KAT6B: variants seen among roughly 807,000 people sequenced by gnomAD.
KAT6B encodes histone acetyltransferase KAT6B.
Under a neutral mutation model 187.5 loss-of-function variants are expected in KAT6B, and 10 were observed. The ratio of observed to expected loss-of-function variants is 0.05; its 90% CI spans 0.03 to 0.09. The LOEUF is 0.09. Among genes scored for constraint, KAT6B ranks in the 10% least tolerant of loss-of-function variants. KAT6B has a pLI of 1.00. For synonymous variants in KAT6B, 861 were observed against 926.8 expected (o/e 0.93, Z 1.29); for missense variants, 1,952 against 2,558.9 (o/e 0.76, Z 5.12).
intron 4 of KAT6B, among the ~76,000 whole-genome samples, chr10:74,962,336 G>A (rs1035948108): frequency 6.6e-6 from 1 of 152,150 alleles, no homozygotes; most frequent in Non-Finnish European, 1.5e-5. Flanking sequence ...AAGGAAAAAA[G>A]AAAACAATAG....
At chr10:74,919,297 G>T (rs1847940829) in intron 3 of KAT6B, among the ~76,000 whole-genome samples, 1 of 152,122 alleles carries the variant, frequency 6.6e-6, no homozygotes, top group African/African-American at 2.4e-5. Context: ...TCAAGATACA[G>T]ATTTATTTTT....
rs747180648 is a variant in KAT6B at position 75,022,160 on chromosome 10, G to A, written c.3301G>A (p.Glu1101Lys). 2 of 1,613,396 alleles carry A rather than the reference G, an allele frequency of 1.2e-6. No individual in the cohort carries two copies. Among genetic ancestry groups the A allele is most frequent in the Non-Finnish European group, 1.7e-6 (2 of 1,179,930 alleles). Reference sequence around the variant, plus strand: ...GGAGGAAGAAGAGGAAGAAGAAGAAGAAGAAGAAGAAAATATTCAAAGCTC... The same window carrying A: ...GGAGGAAGAAGAGGAAGAAGAAGAAAAAGAAGAAGAAAATATTCAAAGCTC... ...EEEEEEEEEEEEEENIQSSPP... is the reference protein window; with the variant it reads ...EEEEEEEEEEKEEENIQSSPP... The change falls in exon 16 of 18, where the codon GAA (glutamate) becomes AAA (lysine). Residue 1101 changes from glutamate (E) to lysine (K), a missense_variant. Around this residue, in one of 9 missense-constraint regions of KAT6B, gnomAD observed 758 missense variants for 891.4 expected, o/e 0.85. Coordinates refer to ENST00000287239, the MANE Select transcript of KAT6B (RefSeq NM_012330.4).
intron 4 of KAT6B, among the ~76,000 whole-genome samples, chr10:74,964,231 A>G (rs1477005955): frequency 1.3e-5 from 2 of 152,228 alleles, no homozygotes; most frequent in Non-Finnish European, 2.9e-5. Context: ...TTGACCATCC[A>G]AAGAGATGTA....
intron 3 of KAT6B, among the ~76,000 whole-genome samples, chr10:74,848,811 T>C (rs1210444723): frequency 6.6e-6 from 1 of 152,222 alleles, no homozygotes; most frequent in East Asian, 1.9e-4. Context: ...CATATGTAGA[T>C]TGATTGTACT....
Position 74,976,028 on chromosome 10 carries a change from G to C in KAT6B, c.1691G>C (p.Ser564Thr), listed in dbSNP as rs372284989. 1 of 1,614,186 alleles carries C rather than the reference G, an allele frequency of 6.2e-7. No homozygotes were observed. ...QGQSRKKGHP[S>T]YAPPKRMRRK... Reference sequence around the variant, plus strand: ...CAGTCTCGCAAAAAGGGACACCCGAGTTATGCACCACCCAAACGTATGCGT... The same window carrying C: ...CAGTCTCGCAAAAAGGGACACCCGACTTATGCACCACCCAAACGTATGCGT... The change falls in exon 8 of 18, where the codon AGT becomes ACT. Residue 564 changes from serine (S) to threonine (T), a missense_variant. Coordinates refer to ENST00000287239, the MANE Select transcript of KAT6B (RefSeq NM_012330.4).
At chr10:74,989,899 G>A (rs766678094) in intron 13 of KAT6B, among the ~76,000 whole-genome samples, 79 of 152,020 alleles carry the variant, frequency 5.2e-4, no homozygotes, top group Non-Finnish European at 7.6e-4. Context: ...TTCTCGTCAT[G>A]TAAAAATCTG....
rs1391627881 is a variant in KAT6B, at chr10:74,843,393, T to C, written c.536T>C (p.Leu179Ser). The C allele has an allele frequency of 1.2e-6, 2 of 1,613,892 alleles. No individual in the cohort carries two copies. Among genetic ancestry groups the C allele is most frequent in the South Asian group, 2.2e-5 (2 of 91,030 alleles). ...GPQYRVNYGS[L>S]DGKGAPQYPS... ...CAGTACAGGGTCAATTATGGGAGCTTAGATGGCAAAGGGGCACCTCAGTAT... is the reference window on the plus strand; with the variant it reads ...CAGTACAGGGTCAATTATGGGAGCTCAGATGGCAAAGGGGCACCTCAGTAT... The change falls in exon 3 of 18, where the codon TTA becomes TCA. Residue 179 changes from leucine to serine, a missense_variant. Physicochemically the swap from Leu to Ser is moderately radical, Grantham distance 145. Around this residue, in one of 9 missense-constraint regions of KAT6B, gnomAD observed 218 missense variants for 282.6 expected, o/e 0.77. Coordinates refer to ENST00000287239, the MANE Select transcript of KAT6B (RefSeq NM_012330.4).
At chr10:74,931,760 G>T (rs1848898222) in intron 3 of KAT6B, among the ~76,000 whole-genome samples, 2 of 152,302 alleles carry the variant, frequency 1.3e-5, no homozygotes, top group South Asian at 4.1e-4. Flanking sequence ...GCTCAGGCTG[G>T]AGTGCAGTGG....
At chr10:74,910,028 A>T (rs957751528) in intron 3 of KAT6B, among the ~76,000 whole-genome samples, 1 of 151,840 alleles carries the variant, frequency 6.6e-6, no homozygotes, top group African/African-American at 2.4e-5. Flanking sequence ...AACCTCCCCT[A>T]ATCGCCTTTA....
At chr10:74,910,992 T>TA (rs1266900924) in intron 3 of KAT6B, among the ~76,000 whole-genome samples, 1 of 152,202 alleles carries the variant, frequency 6.6e-6, no homozygotes, top group African/African-American at 2.4e-5. Context: ...GAATATATTT[T>TA]AAAAAATGTA....
intron 3 of KAT6B, among the ~76,000 whole-genome samples, chr10:74,908,266 A>G (rs116789102): frequency 9.2e-5 from 14 of 152,220 alleles, no homozygotes; most frequent in African/African-American, 2.9e-4. Flanking sequence ...TCATAACTAT[A>G]AGAAATAAGT....
intron 3 of KAT6B, among the ~76,000 whole-genome samples, chr10:74,918,348 G>A (rs1847859407): frequency 6.6e-6 from 1 of 152,152 alleles, no homozygotes; most frequent in Non-Finnish European, 1.5e-5. Context: ...TAACATGGTA[G>A]TTCAGTCAAC....
At chr10:74,993,188 C>T (rs1420930387) in intron 13 of KAT6B, among the ~76,000 whole-genome samples, 1 of 152,196 alleles carries the variant, frequency 6.6e-6, no homozygotes, top group Non-Finnish European at 1.5e-5. Flanking sequence ...ACTGGGGGCC[C>T]AGAGTGCTCC....
chr10:74,966,621 G>T (rs779108782), intron 4 of KAT6B, among the ~76,000 whole-genome samples: 21 of 152,202 alleles, frequency 1.4e-4, no homozygotes, highest in Non-Finnish European at 2.5e-4. Flanking sequence ...TTGAATGAGT[G>T]AATGAATATG....
At chr10:75,017,351 G>T (rs183707872) in intron 13 of KAT6B, among the ~76,000 whole-genome samples, 1 of 152,166 alleles carries the variant, frequency 6.6e-6, no homozygotes, top group African/African-American at 2.4e-5. Flanking sequence ...AAAAAATAGA[G>T]GCCGGGCACA....
intron 3 of KAT6B, among the ~76,000 whole-genome samples, chr10:74,940,509 C>T (rs967732378): frequency 1.3e-4 from 20 of 150,538 alleles, no homozygotes; most frequent in South Asian, 4.2e-4. Context: ...CTCTTGACCT[C>T]GTGATTCGCC....
At chr10:74,867,342 A>G (rs1187351959) in intron 3 of KAT6B, among the ~76,000 whole-genome samples, 2 of 151,794 alleles carry the variant, frequency 1.3e-5, no homozygotes, top group African/African-American at 2.4e-5. Context: ...TTCTTGCTAC[A>G]TTGTTCCTGC....
chr10:74,966,796 G>C (rs376205543), intron 4 of KAT6B, among the ~76,000 whole-genome samples: 4 of 152,292 alleles, frequency 2.6e-5, no homozygotes, highest in South Asian at 2.1e-4. Context: ...GGAGGCCAAG[G>C]CTGGTGGATT....
chr10:74,991,015 C>T (rs947017045), intron 13 of KAT6B, among the ~76,000 whole-genome samples: 1 of 152,028 alleles, frequency 6.6e-6, no homozygotes, highest in Admixed American at 6.5e-5. Context: ...TCCTAGACTC[C>T]GTCTGTTCAA....
Sources: gnomAD v4.1 joint callset for allele counts (sites outside exome capture counted in the v4.1 genomes callset) on GRCh38, gnomAD v4.1.1 for gene constraint, gnomAD v4.1.1 regional missense constraint, MANE v1.5 for transcripts, NCBI Gene and HGNC (gene_info 2026-07-23, HGNC 2026-07-21) for gene names.